Variants in CHCHD1 observed in about 807,000 individuals in gnomAD.
CHCHD1 encodes the protein coiled-coil-helix-coiled-coil-helix domain containing 1, also known as small ribosomal subunit protein mS37.
A neutral mutation model predicts 12.7 loss-of-function variants in CHCHD1; 12 were observed. The observed-to-expected ratio is 0.95, with a 90% confidence interval of 0.61 to 1.53. CHCHD1 has a LOEUF of 1.53. CHCHD1 is among the 40% of genes most tolerant of loss of function. CHCHD1 has a pLI of 0.00. For missense variants in CHCHD1, 151 were observed against 155.8 expected, an observed-to-expected ratio of 0.97 and a Z score of 0.17; for synonymous variants, 57 against 62.4, an observed-to-expected ratio of 0.91 and a Z score of 0.41.
chr10:73,782,147 TA>T lies in CHCHD1; in HGVS notation c.75del (p.Lys25AsnfsTer5). ...CGCGGAAGCCTGTGCTGAAGCCCAATAAACCTCTCATTCTAGCTAACCGCGT... is the reference window on the plus strand; with the variant it reads ...CGCGGAAGCCTGTGCTGAAGCCCAATAACCTCTCATTCTAGCTAACCGCGT... Reference protein sequence around the residue: ...NPRKPVLKPNKPLILANRVGE... With the variant: ...NPRKPVLKPNXPLILANRVGE... On this transcript the variant is annotated frameshift_variant, in exon 1 of 3. Transcript: ENST00000372833. LOFTEE classifies it high-confidence loss of function. The T allele has an allele frequency of 6.2e-7, 1 of 1,613,748 alleles. No homozygotes were observed. The highest frequency in any genetic ancestry group is 8.5e-7 in the Non-Finnish European group (1 of 1,179,994).
chr10:73,782,071 G>T lies in CHCHD1; in HGVS notation c.-5G>T, dbSNP rs767043579. ...CCGCAAAGCCTGCCGGGAGCTTGGT[G>T]CGCTATGGCGACACCCAGCCTGCGG... On this transcript the variant is annotated 5_prime_UTR_variant, in exon 1 of 3. Coordinates refer to ENST00000372833, the MANE Select transcript of CHCHD1 (RefSeq NM_203298.3). The T allele has an allele frequency of 3.1e-5, 50 of 1,612,740 alleles. No homozygotes were observed. The highest frequency in any genetic ancestry group is 4.2e-5 in the Non-Finnish European group (49 of 1,179,834).
Position 73,782,354 on chromosome 10 carries a change from G to T in CHCHD1, c.156G>T (p.Met52Ile). 6.2e-7 allele frequency: 1 copy of T among 1,614,218 alleles called. No homozygotes were observed. Among genetic ancestry groups the T allele is most frequent in the Non-Finnish European group, 8.5e-7 (1 of 1,180,020 alleles). The change falls in exon 2 of 3, where the codon ATG becomes ATT. Residue 52 changes from methionine (M) to isoleucine (I), a missense_variant. Physicochemically the swap from Met to Ile is conservative, Grantham distance 10. Coordinates refer to ENST00000372833, the MANE Select transcript of CHCHD1 (RefSeq NM_203298.3). ...EATCITEMSV[M>I]MACWKQNEFR... ...CTTGCATCACGGAGATGTCGGTGAT[G>T]ATGGCTTGCTGGAAGCAGAATGAAT...
intron 1 of CHCHD1, 41 bp from the exon 2 acceptor site, chr10:73,782,282 G>A (rs1295633967): frequency 5.0e-6 from 8 of 1,609,706 alleles, no homozygotes; most frequent in Non-Finnish European, 8.5e-7. Flanking sequence ...AGGAAGGTGG[G>A]TCTTCTTGTG....
chr10:73,782,066 T>G lies in CHCHD1; in HGVS notation c.-10T>G. 6.2e-7 allele frequency: 1 copy of G among 1,612,736 alleles called. No homozygotes were observed. Among genetic ancestry groups the G allele is most frequent in the Non-Finnish European group, 8.5e-7 (1 of 1,179,784 alleles). On this transcript the variant is annotated 5_prime_UTR_variant, in exon 1 of 3. Coordinates refer to ENST00000372833, the MANE Select transcript of CHCHD1 (RefSeq NM_203298.3). Reference sequence around the variant, plus strand: ...CGGAACCGCAAAGCCTGCCGGGAGCTTGGTGCGCTATGGCGACACCCAGCC... The same window carrying G: ...CGGAACCGCAAAGCCTGCCGGGAGCGTGGTGCGCTATGGCGACACCCAGCC...
chr10:73,782,452 GC>G lies in CHCHD1; in HGVS notation c.243+12del. ...GCCGCGAGGGCTCAGGTGACCGATG[GC>G]TCCTGGGGTGCTTTCTCAGGAAAAG... On this transcript the variant is annotated intron_variant, in intron 2 of 2. Transcript: ENST00000372833. 1 of 1,614,098 alleles carries G rather than the reference GC, an allele frequency of 6.2e-7. No individual in the cohort carries two copies. Among genetic ancestry groups the G allele is most frequent in the South Asian group, 1.1e-5 (1 of 91,080 alleles).
chr10:73,783,606 C>T lies in CHCHD1; in HGVS notation c.*419C>T, dbSNP rs1279555925. 1 of 155,372 alleles carries T rather than the reference C, an allele frequency of 6.4e-6. No homozygotes were observed. The highest frequency in any genetic ancestry group is 1.9e-4 in the East Asian group (1 of 5,248). The allele number at this position is 155,372 out of a possible 1,614,324, so 9.6% of individuals were successfully genotyped here. On this transcript the variant is annotated 3_prime_UTR_variant, in exon 3 of 3. Transcript: ENST00000372833. ...GTGATTGCCTATTTTGTGCGTAGTC[C>T]CTGCAAGGTGCTCTCTGAATAATAA...
Position 73,782,207 on chromosome 10 carries a change from G to T in CHCHD1, c.124+8G>T, listed in dbSNP as rs1282489594. 2 of 1,613,702 alleles carry T rather than the reference G, an allele frequency of 1.2e-6. No individual in the cohort carries two copies. Among genetic ancestry groups the T allele is most frequent in the African/African-American group, 2.7e-5 (2 of 74,934 alleles). On this transcript the variant is annotated splice_region_variant and intron_variant, in intron 1 of 2. Transcript: ENST00000372833. ...GGCGCCGGGAGAAGGGCGGTGAGCA[G>T]TCGGAGTCAGGACGGCCCCGGAGCG...
intron 2 of CHCHD1, 40 bp from the exon 3 acceptor site, chr10:73,783,034 C>T: frequency 6.7e-7 from 1 of 1,494,332 alleles, no homozygotes; most frequent in South Asian, 1.1e-5. Flanking sequence ...ACTAGACAAA[C>T]TGTAGAGCTG....
At position 73,782,074 on chromosome 10, in the gene CHCHD1, C is replaced by T. The variant is rs780209147; in HGVS notation, c.-2C>T. 3 of 1,612,806 alleles carry T rather than the reference C, an allele frequency of 1.9e-6. No homozygotes were observed. Among genetic ancestry groups the T allele is most frequent in the Admixed American group, 1.7e-5 (1 of 59,980 alleles). On this transcript the variant is annotated 5_prime_UTR_variant, in exon 1 of 3. Transcript: ENST00000372833. ...CAAAGCCTGCCGGGAGCTTGGTGCG[C>T]TATGGCGACACCCAGCCTGCGGGGT...
At chr10:73,782,263 TAGGAGGGCAGGA>T (rs2083105992) in intron 1 of CHCHD1, 48 bp from the exon 2 acceptor site, 1 of 1,608,872 alleles carries the variant, frequency 6.2e-7, no homozygotes. Flanking sequence ...GGCGGGTGGG[TAGGAGGGCAGGA>T]AGGTGGGTCT....
intron 2 of CHCHD1, chr10:73,782,744 A>G: frequency 1.6e-6 from 1 of 634,448 alleles, no homozygotes; most frequent in South Asian, 2.2e-5. Context: ...TTGCTGCTCA[A>G]GTAGACATTA....
chr10:73,782,689 G>A, intron 2 of CHCHD1: 4 of 938,878 alleles, frequency 4.3e-6, no homozygotes, highest in Non-Finnish European at 6.0e-6. Flanking sequence ...TGTTGTGAGT[G>A]TCAGATGAAG....
Position 73,782,418 on chromosome 10 carries a change from C to T in CHCHD1, c.220C>T (p.Leu74Phe). The change falls in exon 2 of 3, where the codon CTC (leucine) becomes TTC (phenylalanine). Residue 74 changes from leucine (L) to phenylalanine (F), a missense_variant. By Grantham distance (22) the Leu-to-Phe change is conservative. Coordinates refer to ENST00000372833, the MANE Select transcript of CHCHD1 (RefSeq NM_203298.3). ...DACRKEIQGF[L>F]DCAARAQEAR... ...GTGCAGAAAAGAGATCCAGGGCTTC[C>T]TCGATTGTGCCGCGAGGGCTCAGGT... The T allele has an allele frequency of 5.6e-6, 9 of 1,614,196 alleles. No individual in the cohort carries two copies. Among genetic ancestry groups the T allele is most frequent in the Non-Finnish European group, 7.6e-6 (9 of 1,180,020 alleles).
In CHCHD1 at chr10:73,783,265, C is replaced by A; in HGVS notation, c.*78C>A. 3 of 1,065,584 alleles carry A rather than the reference C, an allele frequency of 2.8e-6. No individual in the cohort carries two copies. Among genetic ancestry groups the A allele is most frequent in the Non-Finnish European group, 4.3e-6 (3 of 703,206 alleles). The allele number at this position is 1,065,584 out of a possible 1,614,324, so 66.0% of individuals were successfully genotyped here. ...AGGCATTTTAGAGACATTGGCATTG[C>A]CATGCCCTCTTTGGAGGGTAGAAGA... On this transcript the variant is annotated 3_prime_UTR_variant, in exon 3 of 3. Transcript: ENST00000372833.
chr10:73,782,227 G>A lies in CHCHD1; in HGVS notation c.124+28G>A, dbSNP rs1356229609. 4.3e-6 allele frequency: 7 copies of A among 1,612,692 alleles called. No individual in the cohort carries two copies. In the African/African-American group the frequency reaches 8.0e-5, roughly 18 times the overall value. On this transcript the variant is annotated intron_variant, in intron 1 of 2. Coordinates refer to ENST00000372833, the MANE Select transcript of CHCHD1 (RefSeq NM_203298.3). ...GAGCAGTCGGAGTCAGGACGGCCCC[G>A]GAGCGGAAGCCGGAGCATGAGCAGG... is the stretch of plus-strand genomic sequence containing the variant.
At chr10:73,782,250 A>G in intron 1 of CHCHD1, 51 bp downstream of exon 1, 1 of 1,610,338 alleles carries the variant, frequency 6.2e-7, no homozygotes, top group Non-Finnish European at 8.5e-7. Flanking sequence ...GAGCATGAGC[A>G]GGGGCGGGTG....
chr10:73,782,096 G>A lies in CHCHD1; in HGVS notation c.21G>A (p.Arg7=). Residue 7 remains arginine, a synonymous_variant, in exon 1 of 3, where the codon CGG becomes CGA. Coordinates refer to ENST00000372833, the MANE Select transcript of CHCHD1 (RefSeq NM_203298.3). ...GCGCTATGGCGACACCCAGCCTGCG[G>A]GGTCGTCTGGCGCGGTTTGGGAACC... MATPSL[R]GRLARFGNPR... 1.9e-6 allele frequency: 3 copies of A among 1,613,258 alleles called. No individual in the cohort carries two copies. Among genetic ancestry groups the A allele is most frequent in the African/African-American group, 1.3e-5 (1 of 75,052 alleles).
chr10:73,782,366 G>A lies in CHCHD1; in HGVS notation c.168G>A (p.Trp56Ter), dbSNP rs150644371. 1 of 1,614,220 alleles carries A rather than the reference G, an allele frequency of 6.2e-7. No homozygotes were observed. The highest frequency in any genetic ancestry group is 1.3e-5 in the African/African-American group (1 of 75,060). The part of the protein sequence containing the change: ...ITEMSVMMAC[W>*]KQNEFRDDAC... ...AGATGTCGGTGATGATGGCTTGCTGGAAGCAGAATGAATTCCGCGACGATG... is the reference window on the plus strand; with the variant it reads ...AGATGTCGGTGATGATGGCTTGCTGAAAGCAGAATGAATTCCGCGACGATG... Residue 56 changes from tryptophan to a stop codon, truncating the protein, a stop_gained, in exon 2 of 3, where the codon TGG becomes TGA. Transcript: ENST00000372833. LOFTEE classifies it high-confidence loss of function.
In CHCHD1 at chr10:73,783,476, C is replaced by T. The variant is rs555084345; in HGVS notation, c.*289C>T. 9.6e-5 allele frequency: 28 copies of T among 291,064 alleles called. No individual in the cohort carries two copies. Among genetic ancestry groups the T allele is most frequent in the Non-Finnish European group, 1.7e-4 (27 of 155,164 alleles). The allele number at this position is 291,064 out of a possible 1,614,324, so 18.0% of individuals were successfully genotyped here. A position where few individuals can be genotyped will look rare whatever the true frequency, so the allele number is the denominator to read the frequency against. ...ATTTGCCCTAGGAGCAGGACAAATA[C>T]CGTTGTATTGTCTTTCCCTGCATTT... On this transcript the variant is annotated 3_prime_UTR_variant, in exon 3 of 3. Coordinates refer to ENST00000372833, the MANE Select transcript of CHCHD1 (RefSeq NM_203298.3).
Sources: gnomAD v4.1 joint callset for allele counts on GRCh38, gnomAD v4.1.1 for gene constraint, MANE v1.5 for transcripts, NCBI Gene and HGNC (gene_info 2026-07-23, HGNC 2026-07-21) for gene names.